The following GRAP2 variants were observed in gnomAD, a reference collection of about 807,000 sequenced individuals.
GRAP2 encodes the protein GRB2-related adapter protein 2.
A neutral mutation model predicts 43.5 loss-of-function variants in GRAP2; 31 were observed. The ratio of observed to expected loss-of-function variants is 0.71; its 90% CI spans 0.54 to 0.96. The LOEUF is 0.96. Among genes scored for constraint, GRAP2 ranks in the 40% least tolerant of loss-of-function variants. The pLI is 0.00. For missense variants in GRAP2, 371 were observed against 424.4 expected, an observed-to-expected ratio of 0.87 and a Z score of 1.11; for synonymous variants, 156 against 164.8, an observed-to-expected ratio of 0.95 and a Z score of 0.41.
intron 3 of GRAP2, among the ~76,000 whole-genome samples, chr22:39,958,303 C>T (rs566015813): frequency 6.6e-6 from 1 of 152,266 alleles, no homozygotes; most frequent in African/African-American, 2.4e-5. Context: ...TTTCTCATCA[C>T]CATACCTTAC....
At position 39,906,098 on chromosome 22, in the gene GRAP2, T is replaced by C. The variant is rs1368770928; in HGVS notation, c.-15+4768T>C. On this transcript the variant is annotated intron_variant, in intron 1 of 7. Coordinates refer to ENST00000344138, the MANE Select transcript of GRAP2 (RefSeq NM_004810.4). ...TGAAGTAATGGGGGGAAAAAATCCCTGAAAGGAACAATACAAGCGGGGAGT... is the reference window on the plus strand; with the variant it reads ...TGAAGTAATGGGGGGAAAAAATCCCCGAAAGGAACAATACAAGCGGGGAGT... Among the ~76,000 whole-genome samples the C allele has an allele frequency of 3.3e-5, 5 of 152,126 alleles. No homozygotes were observed. In the East Asian group the frequency reaches 7.7e-4, roughly 23 times the overall value.
intron 1 of GRAP2, among the ~76,000 whole-genome samples, chr22:39,903,079 G>C (rs192442666): frequency 6.6e-6 from 1 of 152,290 alleles, no homozygotes. Flanking sequence ...TCATGCCTAA[G>C]CTTGAGTAGA....
intron 1 of GRAP2, among the ~76,000 whole-genome samples, chr22:39,933,128 C>T (rs1044294473): frequency 1.4e-5 from 2 of 140,520 alleles, no homozygotes; most frequent in Non-Finnish European, 3.0e-5. Flanking sequence ...AAATTAGACC[C>T]GGTGCCTTTG....
At chr22:39,909,749 G>A (rs1316186061) in intron 1 of GRAP2, among the ~76,000 whole-genome samples, 2 of 152,184 alleles carry the variant, frequency 1.3e-5, no homozygotes, top group Non-Finnish European at 2.9e-5. Flanking sequence ...TTAAAAAACA[G>A]CTCAAGATGG....
At chr22:39,912,727 C>T (rs535518256) in intron 1 of GRAP2, among the ~76,000 whole-genome samples, 60 of 152,258 alleles carry the variant, frequency 3.9e-4, no homozygotes, top group African/African-American at 1.2e-3. Flanking sequence ...AATAGAGTCA[C>T]GTGGCATGTC....
rs994976457 is a variant in GRAP2 at position 39,968,168 on chromosome 22, C to T, written c.586C>T (p.Gln196Ter). 1 of 1,609,434 alleles carries T rather than the reference C, an allele frequency of 6.2e-7. No homozygotes were observed. ...GGATCACCCCCCGACCCTTCCCCTG[C>T]AGCAGCACCAGCACCAGCCACAGCC... ...LSDHPPTLPL[Q>*]QHQHQPQPPQ... is the part of the protein sequence containing the mutation. The change falls in exon 6 of 8, where the codon CAG becomes TAG. Residue 196 changes from glutamine to a stop codon, truncating the protein, a stop_gained. Coordinates refer to ENST00000344138, the MANE Select transcript of GRAP2 (RefSeq NM_004810.4). LOFTEE classifies it high-confidence loss of function.
rs553951356 is a variant in GRAP2, at chr22:39,919,506, A to C, written c.-15+18176A>C. Among the ~76,000 whole-genome samples the C allele has an allele frequency of 3.9e-5, 6 of 152,334 alleles. No homozygotes were observed. In the East Asian group the frequency reaches 9.6e-4, roughly 24 times the overall value. ...TTCACATGTGACAAGTCAATTCTTCATGCCATTTCCTTCACAATCTTCATG... is the reference window on the plus strand; with the variant it reads ...TTCACATGTGACAAGTCAATTCTTCCTGCCATTTCCTTCACAATCTTCATG... On this transcript the variant is annotated intron_variant, in intron 1 of 7. Transcript: ENST00000344138.
At chr22:39,946,406 C>T (rs1351942385) in intron 1 of GRAP2, among the ~76,000 whole-genome samples, 1 of 152,120 alleles carries the variant, frequency 6.6e-6, no homozygotes, top group Non-Finnish European at 1.5e-5. Flanking sequence ...ACATGGGTCT[C>T]ATGCATTACA....
At chr22:39,961,285 G>A (rs1379813213) in intron 4 of GRAP2, among the ~76,000 whole-genome samples, 4 of 151,886 alleles carry the variant, frequency 2.6e-5, no homozygotes, top group African/African-American at 4.8e-5. Context: ...ACTCACTCAG[G>A]GGGAGAAAGA....
chr22:39,942,932 G>C (rs982924658), intron 1 of GRAP2, among the ~76,000 whole-genome samples: 1 of 152,160 alleles, frequency 6.6e-6, no homozygotes, highest in Admixed American at 6.5e-5. Context: ...ATAAACTGGG[G>C]CAAGTATTCA....
Position 39,955,963 on chromosome 22 carries a change from A to G in GRAP2, c.170+53A>G, listed in dbSNP as rs5995789. The G allele has an allele frequency of 0.018, 15,652 of 857,432 alleles. 1,602 individuals carry two copies. In the African/African-American group the frequency reaches 0.22, roughly 12 times the overall value. The allele number at this position is 857,432 out of a possible 1,614,324, so 53.1% of individuals were successfully genotyped here. On this transcript the variant is annotated intron_variant, in intron 3 of 7. Coordinates refer to ENST00000344138, the MANE Select transcript of GRAP2 (RefSeq NM_004810.4). ...GCCTAGCCACACACACTCCTCTTAC[A>G]TTTCCAGCAGTCACTACAGTTATCC... is the stretch of plus-strand genomic sequence containing the variant.
upstream of GRAP2, among the ~76,000 whole-genome samples, chr22:39,896,957 A>G (rs1350664122): frequency 6.6e-6 from 1 of 151,870 alleles, no homozygotes; most frequent in Non-Finnish European, 1.5e-5. Flanking sequence ...CATCTCCTTG[A>G]CTCATCCGTT....
intron 1 of GRAP2, among the ~76,000 whole-genome samples, chr22:39,931,103 C>G (rs984792791): frequency 3.3e-5 from 5 of 152,066 alleles, no homozygotes; most frequent in African/African-American, 7.2e-5. Context: ...CTAGTCCACA[C>G]TGGATCTTCA....
intron 1 of GRAP2, among the ~76,000 whole-genome samples, chr22:39,913,523 C>A (rs2066582241): frequency 6.6e-6 from 1 of 152,234 alleles, no homozygotes; most frequent in Non-Finnish European, 1.5e-5. Context: ...GCCAAGTGTT[C>A]AACTAGAGTG....
chr22:39,895,212 A>G, the GRAP2 span, among the ~76,000 whole-genome samples: 7 of 152,202 alleles, frequency 4.6e-5, no homozygotes, highest in Non-Finnish European at 7.3e-5. Context: ...TGGAATATTG[A>G]CTAGGATGAG....
chr22:39,964,552 A>T, intron 4 of GRAP2: 1 of 834,306 alleles, frequency 1.2e-6, no homozygotes, highest in Non-Finnish European at 2.1e-6. Context: ...TGGAATTAAG[A>T]AATCTGGCAA....
chr22:39,905,105 A>G (rs2066514572), intron 1 of GRAP2, among the ~76,000 whole-genome samples: 1 of 152,144 alleles, frequency 6.6e-6, no homozygotes, highest in Non-Finnish European at 1.5e-5. Flanking sequence ...CTTGTTGTAC[A>G]GGCACTTTTT....
chr22:39,945,464 C>A (rs1390996962), intron 1 of GRAP2, among the ~76,000 whole-genome samples: 2 of 152,196 alleles, frequency 1.3e-5, no homozygotes, highest in African/African-American at 4.8e-5. Flanking sequence ...TCCTTATTTA[C>A]CCAAATCTTG....
chr22:39,964,601 C>T, intron 4 of GRAP2: 1 of 751,664 alleles, frequency 1.3e-6, no homozygotes, highest in African/African-American at 1.7e-5. Context: ...GACGGTGACC[C>T]TTTATTTCAT....
Sources: gnomAD v4.1 joint callset for allele counts (sites outside exome capture counted in the v4.1 genomes callset) on GRCh38, gnomAD v4.1.1 for gene constraint, MANE v1.5 for transcripts, NCBI Gene and HGNC (gene_info 2026-07-23, HGNC 2026-07-21) for gene names.